The following CD72 variants were observed in gnomAD, a reference collection of about 807,000 sequenced individuals.
CD72 encodes the protein CD72 molecule.
CD72 carries 28 observed loss-of-function variants against 50.7 expected under a neutral mutation model. The ratio of observed to expected loss-of-function variants is 0.55; its 90% CI spans 0.41 to 0.76. CD72 has a LOEUF of 0.76. Ranked by LOEUF, CD72 falls within the 30% of genes least tolerant of loss-of-function variation. CD72 has a pLI of 0.00. For missense variants in CD72, 403 were observed against 420.6 expected, an observed-to-expected ratio of 0.96 and a Z score of 0.37; for synonymous variants, 176 against 171.2, an observed-to-expected ratio of 1.03 and a Z score of -0.22.
Position 35,611,811 on chromosome 9 carries a change from G to A in CD72, c.943C>T (p.Arg315Cys). ...AAGTCCTAACAAACTTACCTAGTGC[G>A]TTGTGTATCATCAGTCAACTTCCAA... The part of the protein sequence containing the change: ...KDWKLTDDTQ[R>C]TRTYAQSSKC... Residue 315 changes from arginine to cysteine, a missense_variant, in exon 7 of 9, where the codon CGC becomes TGC. Arg to Cys is a radical substitution (Grantham distance 180, BLOSUM62 -3). Transcript: ENST00000259633. The A allele has an allele frequency of 2.5e-6, 4 of 1,572,310 alleles. No homozygotes were observed. Among genetic ancestry groups the A allele is most frequent in the East Asian group, 2.2e-5 (1 of 44,710 alleles).
chr9:35,621,255 T>C (rs1178030742), upstream of CD72, among the ~76,000 whole-genome samples: 1 of 152,180 alleles, frequency 6.6e-6, no homozygotes, highest in Non-Finnish European at 1.5e-5. Context: ...ACCCATGTTT[T>C]GCCCTCTCCT....
intron 4 of CD72, 36 bp downstream of exon 4, chr9:35,616,553 ACGAAAGTCGTT>A: frequency 7.0e-7 from 1 of 1,429,856 alleles, no homozygotes; most frequent in Non-Finnish European, 9.9e-7. Context: ...GAGAGTCGGG[ACGAAAGTCGTT>A]CGGTGTAAGT....
Position 35,616,209 on chromosome 9 carries a change from T to C in CD72, c.422A>G (p.Gln141Arg). The C allele has an allele frequency of 6.2e-7, 1 of 1,613,922 alleles. No individual in the cohort carries two copies. The highest frequency in any genetic ancestry group is 1.1e-5 in the South Asian group (1 of 91,080). The stretch of plus-strand genomic sequence containing the variant: ...CTGCGTTATCTTGAGGCGGAGCTGC[T>C]GCCTCAGGCTGCTGTTAGTGACTTC... ...VLEVTNSSLR[Q>R]QLRLKITQLG... The change falls in exon 5 of 9, where the codon CAG becomes CGG. Residue 141 changes from glutamine to arginine, a missense_variant. Transcript: ENST00000259633.
intron 5 of CD72, 101 bp from the exon 6 acceptor site, chr9:35,613,094 C>T: frequency 4.3e-6 from 4 of 920,674 alleles, no homozygotes; most frequent in Non-Finnish European, 6.8e-6. Flanking sequence ...ATCTCAGCAC[C>T]TTCATGGACT....
At position 35,617,020 on chromosome 9, in the gene CD72, G is replaced by A. The variant is rs1191468471; in HGVS notation, c.262+156C>T. 5.5e-6 allele frequency: 8 copies of A among 1,460,738 alleles called. No homozygotes were observed. The African/African-American group carries it at 7.1e-5, about 13-fold the overall frequency. The allele number at this position is 1,460,738 out of a possible 1,614,324, so 90.5% of individuals were successfully genotyped here. On this transcript the variant is annotated intron_variant, in intron 3 of 8. Transcript: ENST00000259633. ...GGTGCACGTCGGATTCAGGCGCACC[G>A]GATGAAGGTGAATGTGGCACGGCAG...
intron 1 of CD72, among the ~76,000 whole-genome samples, chr9:35,627,208 TCCACCTC>T (rs1823203460): frequency 6.7e-6 from 1 of 149,106 alleles, no homozygotes; most frequent in East Asian, 2.0e-4. Flanking sequence ...CACTGCAACC[TCCACCTC>T]CCGGGTTCAA....
intron 1 of CD72, among the ~76,000 whole-genome samples, chr9:35,629,425 T>G (rs549650983): frequency 3.3e-5 from 5 of 152,272 alleles, no homozygotes; most frequent in African/African-American, 1.2e-4. Flanking sequence ...GTAAAACCAC[T>G]AGCATAAGCA....
At chr9:35,617,288 G>C in intron 2 of CD72, 41 bp from the exon 3 acceptor site, 1 of 1,514,796 alleles carries the variant, frequency 6.6e-7, no homozygotes, top group Non-Finnish European at 8.9e-7. Flanking sequence ...GAAGCCCCGA[G>C]TGTTGCCCCT....
intron 2 of CD72, among the ~76,000 whole-genome samples, chr9:35,617,803 C>A (rs1001465602): frequency 6.6e-6 from 1 of 152,150 alleles, no homozygotes; most frequent in Admixed American, 6.5e-5. Context: ...TGGGGGCGCA[C>A]GCCTGCAATC....
At chr9:35,612,610 TAA>T (rs1823003375) in intron 6 of CD72, among the ~76,000 whole-genome samples, 1 of 151,992 alleles carries the variant, frequency 6.6e-6, no homozygotes, top group African/African-American at 2.4e-5. Context: ...TAGATATGGT[TAA>T]GTTTCCATTC....
At chr9:35,639,421 G>C (rs1270868820) in intron 1 of CD72, among the ~76,000 whole-genome samples, 2 of 152,112 alleles carry the variant, frequency 1.3e-5, no homozygotes, top group Admixed American at 6.5e-5. Context: ...AGTACACAGA[G>C]ACTATAAAAA....
At chr9:35,627,199 A>T (rs1239970848) in intron 1 of CD72, among the ~76,000 whole-genome samples, 1 of 146,188 alleles carries the variant, frequency 6.8e-6, no homozygotes, top group African/African-American at 2.5e-5. Flanking sequence ...ATCTCAGCTC[A>T]CTGCAACCTC....
intron 2 of CD72, 55 bp downstream of exon 2, chr9:35,617,958 TC>T: frequency 4.0e-6 from 4 of 1,004,200 alleles, no homozygotes; most frequent in South Asian, 1.3e-5. Flanking sequence ...CATTGTGGAC[TC>T]CCCAGCTCAA....
At chr9:35,629,735 C>T (rs1420399454) in intron 1 of CD72, among the ~76,000 whole-genome samples, 3 of 152,186 alleles carry the variant, frequency 2.0e-5, no homozygotes, top group South Asian at 2.1e-4. Context: ...TTTGATGACG[C>T]GAATGTCCTG....
rs1442438450 is a variant in CD72 at position 35,617,163 on chromosome 9, C to T, written c.262+13G>A. On this transcript the variant is annotated intron_variant, in intron 3 of 8. Coordinates refer to ENST00000259633, the MANE Select transcript of CD72 (RefSeq NM_001782.3). ...CACTTGGCCCCGCGGCTGCCCCGCA[C>T]AGGCACACTCACAGGGGAGAATCCG... The T allele has an allele frequency of 6.4e-7, 1 of 1,558,040 alleles. No individual in the cohort carries two copies. The highest frequency in any genetic ancestry group is 8.7e-7 in the Non-Finnish European group (1 of 1,150,778).
chr9:35,625,885 A>G (rs1298909195), intron 1 of CD72, among the ~76,000 whole-genome samples: 2 of 152,158 alleles, frequency 1.3e-5, no homozygotes, highest in Non-Finnish European at 2.9e-5. Context: ...CCCACCATTG[A>G]CACCTACTAC....
At chr9:35,610,355 C>T (rs973494727) in intron 8 of CD72, 55 bp from the exon 9 acceptor site, 3 of 391,988 alleles carry the variant, frequency 7.7e-6, no homozygotes, top group African/African-American at 6.2e-5. Context: ...AACCCTCATC[C>T]CACTCACCCC....
intron 2 of CD72, 100 bp downstream of exon 2, chr9:35,617,914 G>A (rs1218671038): frequency 3.8e-6 from 3 of 795,628 alleles, no homozygotes; most frequent in Non-Finnish European, 4.5e-6. Context: ...CTGAGTGACA[G>A]AACAAGACCC....
upstream of CD72, among the ~76,000 whole-genome samples, chr9:35,624,401 GGA>G (rs1258709027): frequency 6.6e-6 from 1 of 152,084 alleles, no homozygotes; most frequent in Non-Finnish European, 1.5e-5. Flanking sequence ...GGGAAAATAT[GGA>G]GATGACCACT....
Sources: allele counts gnomAD v4.1 joint callset (sites outside exome capture counted in the v4.1 genomes callset), GRCh38; gene constraint gnomAD v4.1.1; transcripts MANE v1.5; gene names NCBI Gene and HGNC (gene_info 2026-07-23, HGNC 2026-07-21).